Variants in TMEFF1 observed in about 807,000 individuals in gnomAD.
TMEFF1 encodes the protein tomoregulin-1.
In TMEFF1, 20 loss-of-function variants were observed where a neutral mutation model predicts 47.5. That is an observed-to-expected ratio of 0.42 (90% CI 0.30 to 0.61). The LOEUF (loss-of-function observed/expected upper bound fraction) is 0.61. Among genes scored for constraint, TMEFF1 ranks in the 20% least tolerant of loss-of-function variants. The probability of loss-of-function intolerance (pLI) is 0.19; values close to 1 mark genes in which losing one functional copy is unlikely to be tolerated. For synonymous variants in TMEFF1, 162 were observed against 166.3 expected (o/e 0.97, Z 0.20); for missense variants, 411 against 471.1 (o/e 0.87, Z 1.18).
chr9:100,498,731 A>G (rs1837704374), intron 1 of TMEFF1, 34 bp from the exon 2 acceptor site: 1 of 1,608,174 alleles, frequency 6.2e-7, no homozygotes, highest in Non-Finnish European at 8.5e-7. Flanking sequence ...TAAAAAGCCA[A>G]ATATATATGT....
At chr9:100,519,909 T>C (rs904654471) in intron 5 of TMEFF1, among the ~76,000 whole-genome samples, 1 of 152,122 alleles carries the variant, frequency 6.6e-6, no homozygotes, top group Non-Finnish European at 1.5e-5. Context: ...CCTGTTTATA[T>C]ACACATGGTA....
At position 100,547,732 on chromosome 9, in the gene TMEFF1, CT is replaced by C; in HGVS notation, c.561-8del. 1 of 1,485,090 alleles carries C rather than the reference CT, an allele frequency of 6.7e-7. No homozygotes were observed. The highest frequency in any genetic ancestry group is 1.4e-5 in the South Asian group (1 of 69,584). 92.0% of individuals were successfully genotyped at this position (1,485,090 alleles called of 1,614,324 possible). On this transcript the variant is annotated splice_polypyrimidine_tract_variant and intron_variant, in intron 5 of 9. Transcript: ENST00000374879. ...GTTGTAAAATATAGGTAATTTTTGT[CT>C]TTTCCAACAGGTGTGTATGTAATAT...
chr9:100,477,576 A>G (rs920158346), intron 1 of TMEFF1, among the ~76,000 whole-genome samples: 1 of 151,102 alleles, frequency 6.6e-6, no homozygotes, highest in Non-Finnish European at 1.5e-5. Context: ...CAGCAGTTAC[A>G]TAGCAGGTTT....
At chr9:100,522,593 C>G (rs1367917137) in intron 5 of TMEFF1, among the ~76,000 whole-genome samples, 1 of 151,656 alleles carries the variant, frequency 6.6e-6, no homozygotes. Flanking sequence ...CCTGCCACCA[C>G]GCCTGGCTAA....
intron 1 of TMEFF1, among the ~76,000 whole-genome samples, chr9:100,481,731 C>CT (rs550836861): frequency 7.4e-4 from 113 of 152,146 alleles, no homozygotes; most frequent in Non-Finnish European, 1.4e-3. Context: ...ATTGAGAGGA[C>CT]TTGTTTAGCC....
At chr9:100,538,145 TG>T (rs1351739585) in intron 5 of TMEFF1, among the ~76,000 whole-genome samples, 2 of 152,028 alleles carry the variant, frequency 1.3e-5, no homozygotes, top group Non-Finnish European at 2.9e-5. Context: ...CTCCGCCTCC[TG>T]GGTTCAAATG....
At chr9:100,555,218 A>G (rs1465198844) in intron 7 of TMEFF1, among the ~76,000 whole-genome samples, 1 of 152,038 alleles carries the variant, frequency 6.6e-6, no homozygotes, top group Admixed American at 6.6e-5. Context: ...TGCAGTTGCA[A>G]CAGACTAGCA....
intron 1 of TMEFF1, among the ~76,000 whole-genome samples, chr9:100,484,273 G>A (rs1209018468): frequency 6.6e-6 from 1 of 151,454 alleles, no homozygotes; most frequent in East Asian, 1.9e-4. Context: ...TTCGACTATA[G>A]TCACAAGGTT....
intron 8 of TMEFF1, among the ~76,000 whole-genome samples, chr9:100,571,917 G>A (rs1032545682): frequency 3.3e-5 from 5 of 152,098 alleles, no homozygotes; most frequent in Admixed American, 2.6e-4. Context: ...TAGGGTTTGC[G>A]CTCCTATGAG....
intron 5 of TMEFF1, chr9:100,518,369 A>C: frequency 2.2e-6 from 2 of 919,078 alleles, no homozygotes; most frequent in Non-Finnish European, 2.6e-6. Flanking sequence ...TTACTAAATT[A>C]ATTTTTTGTG....
intron 5 of TMEFF1, among the ~76,000 whole-genome samples, chr9:100,542,619 A>G (rs1341145853): frequency 6.6e-6 from 1 of 152,210 alleles, no homozygotes; most frequent in Non-Finnish European, 1.5e-5. Context: ...ATTGCTTTTG[A>G]AAAGTCAGTT....
At chr9:100,497,823 A>G (rs901338020) in intron 1 of TMEFF1, among the ~76,000 whole-genome samples, 5 of 152,180 alleles carry the variant, frequency 3.3e-5, no homozygotes, top group African/African-American at 9.6e-5. Context: ...CTCTTTTCCC[A>G]GAGAGTCTTA....
At chr9:100,504,540 G>A (rs1404651796) in intron 2 of TMEFF1, among the ~76,000 whole-genome samples, 1 of 152,170 alleles carries the variant, frequency 6.6e-6, no homozygotes, top group African/African-American at 2.4e-5. Flanking sequence ...AATGATACTA[G>A]CAATAGCAAA....
At chr9:100,500,649 T>C (rs1259821024) in intron 2 of TMEFF1, among the ~76,000 whole-genome samples, 2 of 152,220 alleles carry the variant, frequency 1.3e-5, no homozygotes, top group Non-Finnish European at 2.9e-5. Flanking sequence ...ATAGATGTTA[T>C]TGCCGCTTTA....
chr9:100,518,040 G>A (rs1432236344), intron 5 of TMEFF1, among the ~76,000 whole-genome samples: 4 of 151,910 alleles, frequency 2.6e-5, no homozygotes, highest in Admixed American at 6.6e-5. Flanking sequence ...TTCCTTTCGC[G>A]GTGCTTCTAT....
intron 5 of TMEFF1, among the ~76,000 whole-genome samples, chr9:100,518,815 GCACCTTC>G (rs1838113738): frequency 6.6e-6 from 1 of 152,014 alleles, no homozygotes; most frequent in African/African-American, 2.4e-5. Context: ...CTCCCTCAAA[GCACCTTC>G]CATGTGTTTT....
intron 1 of TMEFF1, among the ~76,000 whole-genome samples, chr9:100,487,140 A>G (rs1837465433): frequency 6.7e-6 from 1 of 148,920 alleles, no homozygotes; most frequent in Non-Finnish European, 1.5e-5. Context: ...TCTTTATTTT[A>G]TTTTTTAAAA....
At chr9:100,526,854 C>A (rs921640282) in intron 5 of TMEFF1, among the ~76,000 whole-genome samples, 1 of 148,024 alleles carries the variant, frequency 6.8e-6, no homozygotes, top group Non-Finnish European at 1.5e-5. Flanking sequence ...GGTGCACATG[C>A]CTGTCAATGC....
chr9:100,575,272 A>C (rs147182619), intron 9 of TMEFF1, among the ~76,000 whole-genome samples: 2 of 152,228 alleles, frequency 1.3e-5, no homozygotes, highest in East Asian at 3.9e-4. Flanking sequence ...TGCATGAGTC[A>C]ATTTTTCTTT....
Sources: gnomAD v4.1 joint callset for allele counts (sites outside exome capture counted in the v4.1 genomes callset) on GRCh38, gnomAD v4.1.1 for gene constraint, MANE v1.5 for transcripts, NCBI Gene and HGNC (gene_info 2026-07-23, HGNC 2026-07-21) for gene names.